FRK: variants seen among roughly 807,000 people sequenced by gnomAD.
FRK encodes fyn related Src family tyrosine kinase.
A neutral mutation model predicts 56.4 loss-of-function variants in FRK; 51 were observed. The ratio of observed to expected loss-of-function variants is 0.90; its 90% confidence interval spans 0.72 to 1.14. FRK has a LOEUF of 1.14. FRK is among the 50% of genes most tolerant of loss of function. FRK has a pLI of 0.00. For synonymous variants in FRK, 245 were observed against 217.9 expected, an observed-to-expected ratio of 1.12 and a Z score of -1.10; for missense variants, 570 against 601.4, an observed-to-expected ratio of 0.95 and a Z score of 0.55.
intron 5 of FRK, 123 bp from the exon 6 acceptor site, chr6:115,944,548 G>A: frequency 1.6e-6 from 1 of 643,214 alleles, no homozygotes; most frequent in Non-Finnish European, 2.6e-6. Flanking sequence ...CTGATCTGTT[G>A]AGCAAAATAT....
At chr6:116,000,014 C>T (rs1303372315) in intron 2 of FRK, among the ~76,000 whole-genome samples, 1 of 152,102 alleles carries the variant, frequency 6.6e-6, no homozygotes, top group African/African-American at 2.4e-5. Flanking sequence ...TGCAGAGCTT[C>T]CTAAATCCAT....
the FRK span, among the ~76,000 whole-genome samples, chr6:116,091,483 A>T: frequency 3.3e-5 from 5 of 151,820 alleles, no homozygotes; most frequent in Non-Finnish European, 5.9e-5. Flanking sequence ...GAGCTCTAAC[A>T]CTCACCGCGA....
intron 1 of FRK, among the ~76,000 whole-genome samples, chr6:116,058,156 T>A (rs1050666898): frequency 2.6e-5 from 4 of 152,162 alleles, no homozygotes; most frequent in Admixed American, 1.3e-4. Flanking sequence ...AATATACATG[T>A]TATGCCAAAT....
chr6:116,074,471 T>C, the FRK span, among the ~76,000 whole-genome samples: 3 of 152,196 alleles, frequency 2.0e-5, no homozygotes, highest in Non-Finnish European at 2.9e-5. Flanking sequence ...TTGTCTTATT[T>C]CTTCGAGTAA....
chr6:116,033,325 G>A (rs998943302), intron 1 of FRK, among the ~76,000 whole-genome samples: 9 of 151,980 alleles, frequency 5.9e-5, no homozygotes, highest in Non-Finnish European at 1.2e-4. Flanking sequence ...CACATACATG[G>A]ACCAAAAAAG....
intron 6 of FRK, 38 bp from the exon 7 acceptor site, chr6:115,943,223 A>ATTTT: frequency 8.2e-7 from 1 of 1,220,394 alleles, no homozygotes; most frequent in Non-Finnish European, 1.1e-6. Flanking sequence ...AGTTAAAGCA[A>ATTTT]TTTTTTTTTT....
At chr6:116,052,092 A>G (rs1777200567) in intron 1 of FRK, among the ~76,000 whole-genome samples, 1 of 152,174 alleles carries the variant, frequency 6.6e-6, no homozygotes, top group Admixed American at 6.5e-5. Context: ...TGTGATTTTT[A>G]GACGCCATTT....
chr6:116,019,484 A>G (rs1775780693), intron 1 of FRK, among the ~76,000 whole-genome samples: 1 of 152,206 alleles, frequency 6.6e-6, no homozygotes, highest in African/African-American at 2.4e-5. Context: ...TCACAATCCT[A>G]TGACGACGAT....
intron 2 of FRK, among the ~76,000 whole-genome samples, chr6:115,981,949 G>A (rs1298260085): frequency 6.6e-6 from 1 of 151,960 alleles, no homozygotes; most frequent in Non-Finnish European, 1.5e-5. Flanking sequence ...TTTCAAACAA[G>A]GATTAGACAA....
chr6:116,095,090 T>C, the FRK span, among the ~76,000 whole-genome samples: 27 of 152,238 alleles, frequency 1.8e-4, no homozygotes, highest in Non-Finnish European at 1.8e-4. Context: ...CCCGTAGCCT[T>C]TCTATCAAAA....
chr6:115,981,877 A>G (rs934673913), intron 2 of FRK, among the ~76,000 whole-genome samples: 4 of 152,116 alleles, frequency 2.6e-5, no homozygotes, highest in Non-Finnish European at 5.9e-5. Context: ...TCTCATTTCT[A>G]CAAGCAGATA....
chr6:116,002,422 T>C (rs1775098933), intron 2 of FRK, among the ~76,000 whole-genome samples: 1 of 152,080 alleles, frequency 6.6e-6, no homozygotes, highest in Non-Finnish European at 1.5e-5. Context: ...ATCGAGACCA[T>C]CCTGGCCAAC....
intron 1 of FRK, among the ~76,000 whole-genome samples, chr6:116,008,304 T>C (rs1254595373): frequency 6.6e-6 from 1 of 152,242 alleles, no homozygotes; most frequent in Non-Finnish European, 1.5e-5. Context: ...TGGACTTTTG[T>C]ATAATAGATT....
chr6:116,017,678 G>A (rs1158200263), intron 1 of FRK, among the ~76,000 whole-genome samples: 2 of 152,326 alleles, frequency 1.3e-5, no homozygotes, highest in East Asian at 3.9e-4. Flanking sequence ...AATAGTCTAA[G>A]AAGGTCGGAG....
chr6:116,072,124 T>C, the FRK span, among the ~76,000 whole-genome samples: 1 of 152,114 alleles, frequency 6.6e-6, no homozygotes, highest in African/African-American at 2.4e-5. Flanking sequence ...GAAATAATTA[T>C]AACCATCCTG....
At chr6:115,999,234 A>G (rs749784452) in intron 2 of FRK, among the ~76,000 whole-genome samples, 1 of 152,252 alleles carries the variant, frequency 6.6e-6, no homozygotes, top group Non-Finnish European at 1.5e-5. Flanking sequence ...ATTCACTACC[A>G]ATGACAAATA....
chr6:115,949,348 C>A (rs1228540500), intron 5 of FRK, among the ~76,000 whole-genome samples: 1 of 152,178 alleles, frequency 6.6e-6, no homozygotes, highest in Non-Finnish European at 1.5e-5. Context: ...GAGAGGGCAT[C>A]CTTGTCTTGT....
chr6:115,933,986 A>G lies in FRK; in HGVS notation c.*8428T>C, dbSNP rs540984724. 1 of 152,248 alleles carries G rather than the reference A, an allele frequency of 6.6e-6. No homozygotes were observed. The highest frequency in any genetic ancestry group is 1.9e-4 in the East Asian group (1 of 5,172). 9.4% of individuals were successfully genotyped at this position (152,248 alleles called of 1,614,324 possible). On this transcript the variant is annotated 3_prime_UTR_variant, in exon 8 of 8. Coordinates refer to ENST00000606080, the MANE Select transcript of FRK (RefSeq NM_002031.3). ...CAGGAAAGTTTGGGTATATATGCAC[A>G]CATCTGCCTGGAATACACACACACA...
chr6:116,076,655 T>G, the FRK span, among the ~76,000 whole-genome samples: 31 of 152,188 alleles, frequency 2.0e-4, no homozygotes, highest in African/African-American at 7.5e-4. Flanking sequence ...AGCTGATAAG[T>G]GAGCTTAACT....
Sources: gnomAD v4.1 joint callset for allele counts (sites outside exome capture counted in the v4.1 genomes callset) on GRCh38, gnomAD v4.1.1 for gene constraint, MANE v1.5 for transcripts, NCBI Gene and HGNC (gene_info 2026-07-23, HGNC 2026-07-21) for gene names.